EPHA6: variants seen among roughly 807,000 people sequenced by gnomAD.
The protein encoded by EPHA6 is EPH receptor A6, also known as ephrin type-A receptor 6.
EPHA6 carries 50 observed loss-of-function variants against 112.0 expected under a neutral mutation model. The ratio of observed to expected loss-of-function variants is 0.45; its 90% CI spans 0.36 to 0.56. EPHA6 has a LOEUF of 0.56. Among genes scored for constraint, EPHA6 ranks in the 20% least tolerant of loss-of-function variants. The pLI is 0.00. For synonymous variants in EPHA6, 529 were observed against 490.7 expected (o/e 1.08, Z -1.03); for missense variants, 1,280 against 1,417.4 (o/e 0.90, Z 1.56).
intron 11 of EPHA6, among the ~76,000 whole-genome samples, chr3:97,547,869 G>C (rs2107699085): frequency 6.6e-6 from 1 of 152,338 alleles, no homozygotes; most frequent in Admixed American, 6.5e-5. Flanking sequence ...TCCAAGCCAT[G>C]TGTGGGATAT....
At chr3:96,941,183 C>G (rs192848433) in intron 2 of EPHA6, among the ~76,000 whole-genome samples, 1 of 152,166 alleles carries the variant, frequency 6.6e-6, no homozygotes, top group Non-Finnish European at 1.5e-5. Context: ...GGATAATATC[C>G]TGCAGAGTGT....
At chr3:97,619,657 A>C (rs758710204) in intron 13 of EPHA6, among the ~76,000 whole-genome samples, 1 of 151,644 alleles carries the variant, frequency 6.6e-6, no homozygotes, top group Non-Finnish European at 1.5e-5. Flanking sequence ...CAAAGGAACC[A>C]AATTCACAAT....
chr3:97,421,421 A>G (rs565522850), intron 6 of EPHA6, among the ~76,000 whole-genome samples: 30 of 152,164 alleles, frequency 2.0e-4, no homozygotes, highest in Non-Finnish European at 3.8e-4. Context: ...TCTGTAAAGC[A>G]TTTGAGAATA....
rs573672496 is a variant in EPHA6 at position 97,130,815 on chromosome 3, G to T, written c.1115-95449G>T. Among the ~76,000 whole-genome samples, 3 of 152,208 alleles carry T rather than the reference G, an allele frequency of 2.0e-5. No homozygotes were observed. In the East Asian group the frequency reaches 5.8e-4, roughly 29 times the overall value. On this transcript the variant is annotated intron_variant, in intron 3 of 17. Transcript: ENST00000389672. ...GTACTTTCCTAGATCTGTTAAAAGT[G>T]AAAAGTATTTCACTTATTCTACCGT...
chr3:97,491,578 C>T (rs1248830562), intron 10 of EPHA6, among the ~76,000 whole-genome samples: 6 of 147,108 alleles, frequency 4.1e-5, no homozygotes. Flanking sequence ...TTAGGTGTTT[C>T]TTTCATAAAG....
At chr3:97,315,416 T>C (rs2081775866) in intron 5 of EPHA6, among the ~76,000 whole-genome samples, 1 of 151,738 alleles carries the variant, frequency 6.6e-6, no homozygotes, top group Non-Finnish European at 1.5e-5. Flanking sequence ...TGCCCCTCCC[T>C]AATAAGATGA....
intron 3 of EPHA6, among the ~76,000 whole-genome samples, chr3:97,188,413 AT>A (rs1395104842): frequency 1.3e-5 from 2 of 152,050 alleles, no homozygotes; most frequent in African/African-American, 2.4e-5. Context: ...TTATTTACGT[AT>A]TTCTATATTG....
chr3:97,281,210 TG>T (rs2080274486), intron 5 of EPHA6, among the ~76,000 whole-genome samples: 1 of 141,082 alleles, frequency 7.1e-6, no homozygotes, highest in Non-Finnish European at 1.5e-5. Flanking sequence ...TATGTGTGTG[TG>T]TGTGTGTGTG....
At chr3:97,312,228 A>G (rs988629890) in intron 5 of EPHA6, among the ~76,000 whole-genome samples, 1 of 151,594 alleles carries the variant, frequency 6.6e-6, no homozygotes, top group Admixed American at 6.6e-5. Flanking sequence ...TCTGCAAATA[A>G]AGATGGGTAT....
At chr3:96,879,276 T>C (rs943817331) in intron 2 of EPHA6, among the ~76,000 whole-genome samples, 5 of 152,074 alleles carry the variant, frequency 3.3e-5, no homozygotes, top group South Asian at 2.1e-4. Flanking sequence ...ACAAGATCAA[T>C]ATATGAATTC....
chr3:97,619,350 G>T (rs1287670047), intron 13 of EPHA6, among the ~76,000 whole-genome samples: 1 of 144,286 alleles, frequency 6.9e-6, no homozygotes, highest in Non-Finnish European at 1.5e-5. Context: ...TTGAAAAAGG[G>T]CACAAGACAA....
intron 3 of EPHA6, among the ~76,000 whole-genome samples, chr3:97,202,935 C>A (rs916368842): frequency 2.6e-5 from 4 of 152,046 alleles, no homozygotes; most frequent in African/African-American, 4.8e-5. Flanking sequence ...AGTCTGAAAG[C>A]ATGGATATCT....
rs545624193 is a variant in EPHA6, at chr3:97,685,087, C to T, written c.2785-35174C>T. ...GATAAAGAAATTTGATAGGTTTTCC[C>T]AAATTTAGCAACCACAAGAAAAATT... On this transcript the variant is annotated intron_variant, in intron 14 of 17. Coordinates refer to ENST00000389672, the MANE Select transcript of EPHA6 (RefSeq NM_001080448.3). Among the ~76,000 whole-genome samples the T allele has an allele frequency of 2.6e-5, 4 of 152,162 alleles. No homozygotes were observed. In the South Asian group the frequency reaches 8.3e-4, roughly 32 times the overall value.
intron 2 of EPHA6, among the ~76,000 whole-genome samples, chr3:96,894,321 T>C (rs1344803830): frequency 2.6e-5 from 4 of 152,094 alleles, no homozygotes; most frequent in Admixed American, 2.0e-4. Flanking sequence ...TAACATACTT[T>C]TAAATTTTTT....
intron 3 of EPHA6, among the ~76,000 whole-genome samples, chr3:97,026,088 T>A (rs1012552840): frequency 7.5e-4 from 114 of 151,748 alleles, no homozygotes; most frequent in African/African-American, 2.6e-3. Flanking sequence ...TATTTATGGG[T>A]TCTCTATTCT....
At chr3:96,825,804 A>G (rs932609670) in intron 1 of EPHA6, among the ~76,000 whole-genome samples, 3 of 151,898 alleles carry the variant, frequency 2.0e-5, no homozygotes, top group African/African-American at 4.8e-5. Context: ...TAGTTTCTGT[A>G]TTATAATTAT....
At chr3:96,831,585 T>C (rs1175098347) in intron 1 of EPHA6, among the ~76,000 whole-genome samples, 1 of 152,006 alleles carries the variant, frequency 6.6e-6, no homozygotes, top group Non-Finnish European at 1.5e-5. Flanking sequence ...TTTATTATTA[T>C]TATTATAGTT....
chr3:97,308,742 C>T (rs1293277356), intron 5 of EPHA6, among the ~76,000 whole-genome samples: 2 of 151,750 alleles, frequency 1.3e-5, no homozygotes, highest in South Asian at 2.1e-4. Flanking sequence ...GTCTAACAAA[C>T]CTACTGTAAT....
At chr3:97,064,279 T>C (rs2046113022) in intron 3 of EPHA6, among the ~76,000 whole-genome samples, 1 of 152,164 alleles carries the variant, frequency 6.6e-6, no homozygotes, top group Admixed American at 6.6e-5. Flanking sequence ...TTTATCATTA[T>C]TTGAGGTAAA....
Sources: allele counts gnomAD v4.1 joint callset (sites outside exome capture counted in the v4.1 genomes callset), GRCh38; gene constraint gnomAD v4.1.1; transcripts MANE v1.5; gene names NCBI Gene and HGNC (gene_info 2026-07-23, HGNC 2026-07-21).